The following CECR2 variants were observed in gnomAD, a reference collection of about 807,000 sequenced individuals.
CECR2 encodes the protein chromatin remodeling regulator CECR2.
Under a neutral mutation model 154.5 loss-of-function variants are expected in CECR2, and 30 were observed. The ratio of observed to expected loss-of-function variants is 0.19; its 90% CI spans 0.15 to 0.26. The LOEUF (loss-of-function observed/expected upper bound fraction) is 0.26. CECR2 is among the 10% of genes least tolerant of loss of function. The pLI, the probability that CECR2 is intolerant of heterozygous loss-of-function variation, is 1.00. For synonymous variants in CECR2, 725 were observed against 683.7 expected (o/e 1.06, Z -0.94); for missense variants, 1,743 against 1,829.3 (o/e 0.95, Z 0.86).
chr22:17,494,865 T>C (rs1436494151), intron 2 of CECR2, among the ~76,000 whole-genome samples: 1 of 152,100 alleles, frequency 6.6e-6, no homozygotes, highest in Non-Finnish European at 1.5e-5. Context: ...CGGCTAATTT[T>C]TGTATTTATA....
intron 9 of CECR2, among the ~76,000 whole-genome samples, chr22:17,535,012 G>C (rs530299250): frequency 5.3e-4 from 81 of 152,000 alleles, no homozygotes; most frequent in African/African-American, 1.9e-3. Context: ...TTAGCCAGGC[G>C]TGGTGGCGGG....
At chr22:17,532,589 C>T (rs745891565) in intron 9 of CECR2, among the ~76,000 whole-genome samples, 1 of 148,818 alleles carries the variant, frequency 6.7e-6, no homozygotes, top group African/African-American at 2.5e-5. Flanking sequence ...ACGAAAAATA[C>T]ATAGGTATGT....
Position 17,553,172 on chromosome 22 carries a change from G to A in CECR2, c.*332G>A, listed in dbSNP as rs1176768135. The A allele has an allele frequency of 7.4e-6, 2 of 270,754 alleles. No individual in the cohort carries two copies. Among genetic ancestry groups the A allele is most frequent in the Non-Finnish European group, 1.3e-5 (2 of 148,562 alleles). 16.8% of individuals were successfully genotyped at this position (270,754 alleles called of 1,614,324 possible). A position where few individuals can be genotyped will look rare whatever the true frequency, so the allele number is the denominator to read the frequency against. ...AAAATCACTTTAAACTTGGGGGAGG[G>A]GGTATACTCAAGAATGGAGTGGTGC... On this transcript the variant is annotated 3_prime_UTR_variant, in exon 19 of 19. Transcript: ENST00000262608.
chr22:17,499,836 A>G (rs2055702847), intron 4 of CECR2, among the ~76,000 whole-genome samples: 2 of 152,204 alleles, frequency 1.3e-5, no homozygotes, highest in Non-Finnish European at 2.9e-5. Flanking sequence ...GTTTCTTCTC[A>G]GCAGCACAAT....
intron 1 of CECR2, among the ~76,000 whole-genome samples, chr22:17,451,515 A>G (rs150378854): frequency 2.0e-4 from 31 of 152,044 alleles, no homozygotes; most frequent in Middle Eastern, 3.4e-3. Context: ...ATTTAGAAGG[A>G]CTCACATTCC....
chr22:17,447,623 A>G (rs1241609987), intron 1 of CECR2, among the ~76,000 whole-genome samples: 2 of 148,640 alleles, frequency 1.3e-5, no homozygotes, highest in Non-Finnish European at 3.0e-5. Context: ...AAAATCACAT[A>G]TTATGCCTGA....
At chr22:17,421,675 C>T (rs889599655) in intron 1 of CECR2, among the ~76,000 whole-genome samples, 3 of 142,280 alleles carry the variant, frequency 2.1e-5, no homozygotes, top group African/African-American at 7.9e-5. Flanking sequence ...CGCCTGTTAT[C>T]CCAGCTACTC....
intron 9 of CECR2, among the ~76,000 whole-genome samples, chr22:17,534,963 A>G (rs1372499582): frequency 6.7e-6 from 1 of 150,306 alleles, no homozygotes; most frequent in African/African-American, 2.4e-5. Flanking sequence ...ATCCTGGCTA[A>G]CACAGTGAAA....
In CECR2 at chr22:17,555,940, G is replaced by T. The variant is rs921041558; in HGVS notation, c.*3100G>T. ...AGAAACTTGTGTCCCTAAGGCCCAA[G>T]AGAAAAGATGAGCTTCTTGGGAGGA... On this transcript the variant is annotated 3_prime_UTR_variant, in exon 19 of 19. Transcript: ENST00000262608. The T allele has an allele frequency of 6.6e-6, 1 of 152,162 alleles. No homozygotes were observed. The highest frequency in any genetic ancestry group is 2.4e-5 in the African/African-American group (1 of 41,440). The allele number at this position is 152,162 out of a possible 1,614,324, so 9.4% of individuals were successfully genotyped here. A position where few individuals can be genotyped will look rare whatever the true frequency, so the allele number is the denominator to read the frequency against.
chr22:17,530,215 T>G (rs1296637314), intron 9 of CECR2, among the ~76,000 whole-genome samples: 2 of 151,878 alleles, frequency 1.3e-5, no homozygotes, highest in African/African-American at 4.8e-5. Context: ...TACCCATACT[T>G]TTGTTGTTGC....
chr22:17,473,072 G>C (rs2146777936), intron 1 of CECR2, among the ~76,000 whole-genome samples: 1 of 152,254 alleles, frequency 6.6e-6, no homozygotes, highest in Non-Finnish European at 1.5e-5. Context: ...GGGTGGAGAA[G>C]GTGGAAGGAT....
chr22:17,420,060 A>G (rs2054222064), intron 1 of CECR2, among the ~76,000 whole-genome samples: 1 of 152,246 alleles, frequency 6.6e-6, no homozygotes, highest in Non-Finnish European at 1.5e-5. Context: ...ATGTATTTAC[A>G]GCTGTCCTTG....
intron 1 of CECR2, among the ~76,000 whole-genome samples, chr22:17,373,224 G>C (rs1407094051): frequency 6.6e-6 from 1 of 152,020 alleles, no homozygotes; most frequent in African/African-American, 2.4e-5. Context: ...CAGCACACCC[G>C]GCTAATTTTT....
chr22:17,364,691 A>C (rs1185677391), upstream of CECR2, among the ~76,000 whole-genome samples: 1 of 152,080 alleles, frequency 6.6e-6, no homozygotes, highest in Non-Finnish European at 1.5e-5. Context: ...TAAAAATACA[A>C]AAATTAGCTG....
chr22:17,450,373 C>T (rs899090928), intron 1 of CECR2, among the ~76,000 whole-genome samples: 41 of 152,276 alleles, frequency 2.7e-4, no homozygotes, highest in African/African-American at 7.9e-4. Flanking sequence ...CGTGTTCAAG[C>T]GATTCTCCTG....
At chr22:17,388,612 C>T (rs372694051) in intron 1 of CECR2, among the ~76,000 whole-genome samples, 3 of 152,082 alleles carry the variant, frequency 2.0e-5, no homozygotes, top group East Asian at 1.9e-4. Context: ...TAGCTAGTGT[C>T]GTGGTATTAG....
chr22:17,504,561 C>T (rs370429296), intron 6 of CECR2, among the ~76,000 whole-genome samples: 24 of 151,940 alleles, frequency 1.6e-4, no homozygotes, highest in African/African-American at 4.6e-4. Flanking sequence ...CTCAGCCTCC[C>T]GAGTAGCTAG....
intron 1 of CECR2, among the ~76,000 whole-genome samples, chr22:17,417,682 G>A (rs1219041075): frequency 6.6e-6 from 1 of 152,066 alleles, no homozygotes; most frequent in Admixed American, 6.6e-5. Context: ...GCAGTAGCGT[G>A]ATCTTGGCTC....
At chr22:17,369,039 G>A (rs1027362861), upstream of CECR2, among the ~76,000 whole-genome samples, 2 of 152,142 alleles carry the variant, frequency 1.3e-5, no homozygotes, top group African/African-American at 4.8e-5. Flanking sequence ...CTCCTGCTCC[G>A]GCTCTGCCCT....
Sources: allele counts gnomAD v4.1 joint callset (sites outside exome capture counted in the v4.1 genomes callset), GRCh38; gene constraint gnomAD v4.1.1; transcripts MANE v1.5; gene names NCBI Gene and HGNC (gene_info 2026-07-23, HGNC 2026-07-21).